Variants in ARID4A observed in about 807,000 individuals in gnomAD.
The protein encoded by ARID4A is AT-rich interaction domain 4A, also known as AT-rich interactive domain-containing protein 4A.
Under a neutral mutation model 148.6 loss-of-function variants are expected in ARID4A, and 39 were observed. That is an observed-to-expected ratio of 0.26 (90% confidence interval 0.20 to 0.34). The LOEUF is 0.34. Ranked by LOEUF, ARID4A falls within the 10% of genes least tolerant of loss-of-function variation. ARID4A has a pLI of 1.00. For synonymous variants in ARID4A, 475 were observed against 481.2 expected (o/e 0.99, Z 0.17); for missense variants, 1,265 against 1,449.1 (o/e 0.87, Z 2.06).
intron 5 of ARID4A, among the ~76,000 whole-genome samples, chr14:58,308,622 T>C (rs1429369639): frequency 6.6e-6 from 1 of 152,248 alleles, no homozygotes; most frequent in Non-Finnish European, 1.5e-5. Context: ...CAGAGTATAA[T>C]GACCTGAGTT....
chr14:58,323,650 C>T (rs555767283), intron 8 of ARID4A, 33 bp downstream of exon 8: 27 of 1,534,456 alleles, frequency 1.8e-5, no homozygotes, highest in East Asian at 6.8e-5. Flanking sequence ...GTTAATCAGC[C>T]GTCTAAATAT....
intron 3 of ARID4A, among the ~76,000 whole-genome samples, chr14:58,304,482 A>G (rs2031446761): frequency 6.6e-6 from 1 of 152,178 alleles, no homozygotes; most frequent in East Asian, 1.9e-4. Flanking sequence ...ACTTGTTTGT[A>G]TCAGTGCATA....
intron 5 of ARID4A, among the ~76,000 whole-genome samples, chr14:58,317,323 C>G (rs1388603896): frequency 7.2e-6 from 1 of 139,382 alleles, no homozygotes; most frequent in African/African-American, 2.7e-5. Flanking sequence ...CTTGCTCTGT[C>G]GTAGAGGCTG....
rs548588178 is a variant in ARID4A at position 58,318,430 on chromosome 14, A to G, written c.275-112A>G. 4.7e-6 allele frequency: 5 copies of G among 1,057,494 alleles called. No individual in the cohort carries two copies. In the East Asian group the frequency reaches 1.0e-4, roughly 22 times the overall value. 65.5% of individuals were successfully genotyped at this position (1,057,494 alleles called of 1,614,324 possible). A position where few individuals can be genotyped will look rare whatever the true frequency, so the allele number is the denominator to read the frequency against. ...AAGGTTTTGAAAAATGACTAAAATA[A>G]TGGTTCTTACAAATATTAAGCTCTA... On this transcript the variant is annotated intron_variant, in intron 5 of 23. Coordinates refer to ENST00000355431, the MANE Select transcript of ARID4A (RefSeq NM_002892.4).
At chr14:58,329,490 GA>G (rs771533715) in intron 9 of ARID4A, 37 bp from the exon 10 acceptor site, 66 of 1,340,066 alleles carry the variant, frequency 4.9e-5, no homozygotes, top group Non-Finnish European at 4.0e-5. Context: ...AATTTTTATT[GA>G]ATAAATTGTT....
At chr14:58,339,015 G>A (rs1192916853) in intron 11 of ARID4A, among the ~76,000 whole-genome samples, 2 of 138,350 alleles carry the variant, frequency 1.4e-5, no homozygotes, top group Admixed American at 7.9e-5. Context: ...CTCTCAGGCT[G>A]GAGTGCAGTG....
At chr14:58,323,935 C>T (rs529762240) in intron 8 of ARID4A, among the ~76,000 whole-genome samples, 39 of 117,072 alleles carry the variant, frequency 3.3e-4, no homozygotes, top group Middle Eastern at 7.1e-3. Flanking sequence ...GATGGAGTCT[C>T]GCTCTGTCGC....
chr14:58,355,155 A>G (rs1301887957), intron 17 of ARID4A, among the ~76,000 whole-genome samples: 1 of 152,152 alleles, frequency 6.6e-6, no homozygotes, highest in Non-Finnish European at 1.5e-5. Context: ...CATATTTAAT[A>G]TCTCTGGTTG....
chr14:58,339,039 A>G (rs939183954), intron 11 of ARID4A, among the ~76,000 whole-genome samples: 18 of 144,994 alleles, frequency 1.2e-4, no homozygotes, highest in African/African-American at 4.7e-4. Context: ...ATTATAGCTC[A>G]CTGCAGCCTC....
Position 58,351,289 on chromosome 14 carries a change from G to A in ARID4A, c.1621G>A (p.Asp541Asn). 6.2e-7 allele frequency: 1 copy of A among 1,604,330 alleles called. No individual in the cohort carries two copies. The highest frequency in any genetic ancestry group is 8.5e-7 in the Non-Finnish European group (1 of 1,177,858). Residue 541 changes from aspartate to asparagine, a missense_variant, in exon 16 of 24, where the codon GAC (aspartate) becomes AAC (asparagine). Physicochemically the swap from Asp to Asn is conservative, Grantham distance 23. Around this residue, in one of 9 missense-constraint regions of ARID4A, gnomAD observed 205 missense variants for 196.9 expected, o/e 1.04. Transcript: ENST00000355431. ...TAAAAAACAGGAGGATTCTGACAAAGACTCAGATGAAGAGGAAGAGAAAAG... is the reference window on the plus strand; with the variant it reads ...TAAAAAACAGGAGGATTCTGACAAAAACTCAGATGAAGAGGAAGAGAAAAG... ...KIKKQEDSDK[D>N]SDEEEEKSQE... is the part of the protein sequence containing the mutation.
In ARID4A at chr14:58,364,166, A is replaced by G. The variant is rs781718050; in HGVS notation, c.2081-4A>G. On this transcript the variant is annotated splice_polypyrimidine_tract_variant and splice_region_variant and intron_variant, in intron 19 of 23. Transcript: ENST00000355431. ...GTATAATATAATAATATTTCCTCTT[A>G]CAGACTCTTGTTCATCTGATAGTGA... 7.5e-7 allele frequency: 1 copy of G among 1,325,604 alleles called. No individual in the cohort carries two copies. The highest frequency in any genetic ancestry group is 2.0e-5 in the South Asian group (1 of 51,188). 82.1% of individuals were successfully genotyped at this position (1,325,604 alleles called of 1,614,324 possible). A position where few individuals can be genotyped will look rare whatever the true frequency, so the allele number is the denominator to read the frequency against.
Position 58,360,987 on chromosome 14 carries a change from C to G in ARID4A, c.2025C>G (p.Leu675=), listed in dbSNP as rs147684771. 1.9e-6 allele frequency: 3 copies of G among 1,614,112 alleles called. No homozygotes were observed. In the East Asian group the frequency reaches 6.7e-5, roughly 36 times the overall value. ...GACGACCTCCTTTAAAATCAACCCT[C>G]TCATCAAACATGCCGTATGGCTTAT... ...KRGRPPLKST[L]SSNMPYGLSK... is the part of the protein sequence containing the mutation. Residue 675 remains leucine (L), a synonymous_variant, in exon 19 of 24, where the codon CTC becomes CTG. Transcript: ENST00000355431.
At chr14:58,331,688 G>C (rs966056283) in intron 11 of ARID4A, among the ~76,000 whole-genome samples, 1 of 152,040 alleles carries the variant, frequency 6.6e-6, no homozygotes, top group Non-Finnish European at 1.5e-5. Context: ...ATGGATGAAG[G>C]CTATTTTTCT....
intron 11 of ARID4A, among the ~76,000 whole-genome samples, chr14:58,332,740 A>G (rs939014491): frequency 5.9e-5 from 9 of 152,158 alleles, no homozygotes; most frequent in African/African-American, 2.2e-4. Flanking sequence ...GTTTTATTAC[A>G]TTACAGATCA....
In ARID4A at chr14:58,353,858, A is replaced by G. The variant is rs757539849; in HGVS notation, c.1853+3A>G. 3 of 1,607,188 alleles carry G rather than the reference A, an allele frequency of 1.9e-6. No homozygotes were observed. The highest frequency in any genetic ancestry group is 2.5e-6 in the Non-Finnish European group (3 of 1,177,754). On this transcript the variant is annotated splice_donor_region_variant and intron_variant, in intron 17 of 23. Transcript: ENST00000355431. ...CATTACTATGGATGGAATGTCAGGT[A>G]AGCAAGAAACTATTTTCTTACTATT...
At chr14:58,306,159 G>A (rs914238514) in intron 5 of ARID4A, 47 bp downstream of exon 5, 5 of 1,362,090 alleles carry the variant, frequency 3.7e-6, no homozygotes, top group Non-Finnish European at 5.3e-6. Flanking sequence ...GAGGTTGCAT[G>A]TATCTGTGTT....
chr14:58,302,648 A>T (rs933500704), intron 3 of ARID4A, among the ~76,000 whole-genome samples: 1 of 152,120 alleles, frequency 6.6e-6, no homozygotes, highest in East Asian at 1.9e-4. Context: ...ACAGAGGGAG[A>T]CTAAAAATAT....
Position 58,353,643 on chromosome 14 carries a change from T to A in ARID4A, c.1656-15T>A, listed in dbSNP as rs1302860880. 1 of 1,606,870 alleles carries A rather than the reference T, an allele frequency of 6.2e-7. No individual in the cohort carries two copies. Among genetic ancestry groups the A allele is most frequent in the South Asian group, 1.1e-5 (1 of 90,796 alleles). ...AAGTTATTAGTAGCATTATCAGTATTATAACTTACTGCAGGGAAGAAACTG... is the reference window on the plus strand; with the variant it reads ...AAGTTATTAGTAGCATTATCAGTATAATAACTTACTGCAGGGAAGAAACTG... On this transcript the variant is annotated splice_polypyrimidine_tract_variant and intron_variant, in intron 16 of 23. Coordinates refer to ENST00000355431, the MANE Select transcript of ARID4A (RefSeq NM_002892.4).
intron 5 of ARID4A, among the ~76,000 whole-genome samples, chr14:58,316,481 A>G (rs1181946759): frequency 6.6e-6 from 1 of 152,234 alleles, no homozygotes; most frequent in Non-Finnish European, 1.5e-5. Context: ...AATTATCAAA[A>G]TAATATATTG....
Sources: allele counts gnomAD v4.1 joint callset (sites outside exome capture counted in the v4.1 genomes callset), GRCh38; gene constraint gnomAD v4.1.1; regional missense constraint gnomAD v4.1.1; transcripts MANE v1.5; gene names NCBI Gene and HGNC (gene_info 2026-07-23, HGNC 2026-07-21).